TPD52: variants seen among roughly 807,000 people sequenced by gnomAD.
The protein encoded by TPD52 is prostate and colon associated protein.
Under a neutral mutation model 31.3 loss-of-function variants are expected in TPD52, and 17 were observed. The ratio of observed to expected loss-of-function variants is 0.54; its 90% CI spans 0.37 to 0.82. TPD52 has a LOEUF of 0.82. Ranked by LOEUF, TPD52 falls within the 40% of genes least tolerant of loss-of-function variation. The probability of loss-of-function intolerance (pLI) is 0.00; values close to 1 mark genes in which losing one functional copy is unlikely to be tolerated. For missense variants in TPD52, 212 were observed against 240.1 expected (o/e 0.88, Z 0.77); for synonymous variants, 83 against 89.6 (o/e 0.93, Z 0.42).
intron 1 of TPD52, among the ~76,000 whole-genome samples, chr8:80,149,672 G>A (rs1424663209): frequency 6.6e-6 from 1 of 152,190 alleles, no homozygotes; most frequent in African/African-American, 2.4e-5. Context: ...AGGCTGACGT[G>A]GTTTCAGATG....
chr8:80,164,875 G>C (rs1357325198), intron 1 of TPD52, among the ~76,000 whole-genome samples: 1 of 129,868 alleles, frequency 7.7e-6, no homozygotes, highest in Non-Finnish European at 1.6e-5. Flanking sequence ...CTCCAGCCTG[G>C]GTGGCAGAGG....
At chr8:80,052,666 C>CT in intron 3 of TPD52, 1 of 1,289,198 alleles carries the variant, frequency 7.8e-7, no homozygotes, top group African/African-American at 1.5e-5. Flanking sequence ...CTGCTAGAAG[C>CT]TTGCTCCTCC....
At chr8:80,051,344 T>C in intron 4 of TPD52, 183 bp downstream of exon 4, 1 of 571,492 alleles carries the variant, frequency 1.7e-6, no homozygotes, top group Non-Finnish European at 3.1e-6. Context: ...CATTTGATGT[T>C]AGAATGCTAG....
intron 1 of TPD52, among the ~76,000 whole-genome samples, chr8:80,075,821 T>C (rs1253758309): frequency 6.6e-6 from 1 of 152,248 alleles, no homozygotes; most frequent in African/African-American, 2.4e-5. Flanking sequence ...CTCCAGTTTT[T>C]ATTTTGTAAA....
rs369983303 is a variant in TPD52 at position 80,149,397 on chromosome 8, AG to A, written c.19+22027del. On this transcript the variant is annotated intron_variant, in intron 1 of 7. Coordinates refer to ENST00000518937, the MANE Select transcript of TPD52 (RefSeq NM_001025253.3). ...GCCTCCCCAGCCATGTGGAACTATG[AG>A]TCAATTAAGCCTCTTTCTTTTATAA... 8.6e-3 allele frequency among the ~76,000 whole-genome samples: 1,304 copies of A among 152,288 alleles called. 13 individuals carry two copies. Among genetic ancestry groups the A allele is most frequent in the African/African-American group, 0.03 (1,226 of 41,556 alleles).
rs563375231 is a variant in TPD52, at chr8:80,051,245, T to C, written c.386+282A>G. The C allele has an allele frequency of 1.4e-4, 62 of 452,044 alleles. 1 individual carries two copies. The East Asian group carries it at 2.6e-3, about 19-fold the overall frequency. The allele number at this position is 452,044 out of a possible 1,614,324, so 28.0% of individuals were successfully genotyped here. A position where few individuals can be genotyped will look rare whatever the true frequency, so the allele number is the denominator to read the frequency against. ...AATCACAAATTTGCAACCAAAGACA[T>C]ACTTACCCTGCATGATCATGAAGAA... is the stretch of plus-strand genomic sequence containing the variant. On this transcript the variant is annotated intron_variant, in intron 4 of 7. Coordinates refer to ENST00000518937, the MANE Select transcript of TPD52 (RefSeq NM_001025253.3).
At chr8:80,056,359 G>C (rs541312939) in intron 2 of TPD52, among the ~76,000 whole-genome samples, 6 of 152,310 alleles carry the variant, frequency 3.9e-5, no homozygotes, top group Non-Finnish European at 8.8e-5. Flanking sequence ...GTGGGTGTTA[G>C]AGGTTGGGAA....
Position 80,035,558 on chromosome 8 carries a change from C to A in TPD52, c.*2558G>T, listed in dbSNP as rs1563551189. ...TTTCCAATACTATACAAAAAATAGA[C>A]TGTGCATATCTTAACAGATCCAGAT... On this transcript the variant is annotated 3_prime_UTR_variant, in exon 8 of 8. Transcript: ENST00000518937. 1 of 152,164 alleles carries A rather than the reference C, an allele frequency of 6.6e-6. No homozygotes were observed. The highest frequency in any genetic ancestry group is 2.4e-5 in the African/African-American group (1 of 41,426). The allele number at this position is 152,164 out of a possible 1,614,324, so 9.4% of individuals were successfully genotyped here.
intron 1 of TPD52, among the ~76,000 whole-genome samples, chr8:80,106,625 G>A (rs1484828718): frequency 3.3e-5 from 5 of 151,700 alleles, no homozygotes; most frequent in African/African-American, 1.2e-4. Flanking sequence ...CAAAGTGCTG[G>A]GATTACAGAC....
chr8:80,083,923 T>C (rs1815529373), intron 1 of TPD52, among the ~76,000 whole-genome samples: 1 of 152,178 alleles, frequency 6.6e-6, no homozygotes, highest in African/African-American at 2.4e-5. Context: ...ACCTCTAGAT[T>C]AGGCATCCTG....
chr8:80,149,281 T>C (rs890565819), intron 1 of TPD52, among the ~76,000 whole-genome samples: 2 of 152,184 alleles, frequency 1.3e-5, no homozygotes, highest in Admixed American at 1.3e-4. Context: ...AAAGGTTTTA[T>C]AAAGGCCCGT....
rs770468798 is a variant in TPD52 at position 80,038,147 on chromosome 8, G to C, written c.593C>G (p.Pro198Arg). The change falls in exon 8 of 8, where the codon CCT becomes CGT. Residue 198 changes from proline to arginine, a missense_variant. By Grantham distance (103) the Pro-to-Arg change is moderately radical. Transcript: ENST00000518937. The stretch of plus-strand genomic sequence containing the variant: ...GCTCTCCTGTGTCTTTTCTGGAAGA[G>C]GCTCCGTGGTGGTGGCACTAGCATT... ...AANASATTTE[P>R]LPEKTQESL 4 of 1,614,120 alleles carry C rather than the reference G, an allele frequency of 2.5e-6. No individual in the cohort carries two copies. Among genetic ancestry groups the C allele is most frequent in the Non-Finnish European group, 3.4e-6 (4 of 1,179,994 alleles).
chr8:80,137,955 T>G (rs1199330622), intron 1 of TPD52, among the ~76,000 whole-genome samples: 1 of 151,990 alleles, frequency 6.6e-6, no homozygotes, highest in East Asian at 1.9e-4. Context: ...TTTTTTTTCT[T>G]TTTTTTGAGA....
chr8:80,101,887 C>T (rs1385784170), intron 1 of TPD52, among the ~76,000 whole-genome samples: 1 of 152,134 alleles, frequency 6.6e-6, no homozygotes, highest in Non-Finnish European at 1.5e-5. Context: ...GGAACAAACA[C>T]CCAAACCGTG....
At chr8:80,163,655 TTA>T (rs2131266555) in intron 1 of TPD52, among the ~76,000 whole-genome samples, 1 of 152,314 alleles carries the variant, frequency 6.6e-6, no homozygotes, top group South Asian at 2.1e-4. Context: ...GCATTGACAG[TTA>T]TGTTTTCCAG....
chr8:80,086,874 C>CAAA (rs1219159471), intron 1 of TPD52, among the ~76,000 whole-genome samples: 1 of 22,266 alleles, frequency 4.5e-5, no homozygotes, highest in Non-Finnish European at 7.7e-5. Flanking sequence ...GACGCTGTCT[C>CAAA]AACAAAAAAA....
chr8:80,051,248 T>C (rs1254063580), intron 4 of TPD52: 1 of 459,612 alleles, frequency 2.2e-6, no homozygotes, highest in Non-Finnish European at 3.9e-6. Context: ...AAAGACATAC[T>C]TACCCTGCAT....
intron 1 of TPD52, among the ~76,000 whole-genome samples, chr8:80,153,141 T>C (rs1461808494): frequency 2.0e-5 from 3 of 152,164 alleles, no homozygotes; most frequent in African/African-American, 7.2e-5. Flanking sequence ...CTTTCACAGG[T>C]TTCTCCACTA....
intron 1 of TPD52, among the ~76,000 whole-genome samples, chr8:80,122,023 G>A (rs72686028): frequency 7.2e-4 from 105 of 145,984 alleles, no homozygotes; most frequent in African/African-American, 7.5e-4. Flanking sequence ...ACCTTCAAAA[G>A]AAAAAAAAAA....
Sources: gnomAD v4.1 joint callset for allele counts (sites outside exome capture counted in the v4.1 genomes callset) on GRCh38, gnomAD v4.1.1 for gene constraint, MANE v1.5 for transcripts, NCBI Gene and HGNC (gene_info 2026-07-23, HGNC 2026-07-21) for gene names.